TRMT1: variants seen among roughly 807,000 people sequenced by gnomAD.
The protein encoded by TRMT1 is tRNA (guanine(26)-N(2))-dimethyltransferase.
Under a neutral mutation model 75.4 loss-of-function variants are expected in TRMT1, and 63 were observed. The observed-to-expected ratio is 0.84, with a 90% CI of 0.68 to 1.03. TRMT1 has a LOEUF of 1.03. Ranked by LOEUF, TRMT1 falls within the 50% of genes least tolerant of loss-of-function variation. The probability of loss-of-function intolerance (pLI) is 0.00; values close to 1 mark genes in which losing one functional copy is unlikely to be tolerated. For missense variants in TRMT1, 870 were observed against 905.3 expected, an observed-to-expected ratio of 0.96 and a Z score of 0.50; for synonymous variants, 382 against 358.1, an observed-to-expected ratio of 1.07 and a Z score of -0.75.
chr19:13,113,326 G>A (rs1163548650), intron 5 of TRMT1, among the ~76,000 whole-genome samples: 1 of 151,956 alleles, frequency 6.6e-6, no homozygotes, highest in Non-Finnish European at 1.5e-5. Context: ...ACCACGCCCA[G>A]CTAATTTTTG....
At position 13,105,589 on chromosome 19, in the gene TRMT1, G is replaced by A. The variant is rs2018829892; in HGVS notation, c.1601C>T (p.Thr534Ile). The change falls in exon 15 of 17, where the codon ACC becomes ATC. Residue 534 changes from threonine (T) to isoleucine (I), a missense_variant. By Grantham distance (89) the Thr-to-Ile change is moderately conservative. Transcript: ENST00000357720. ...SVEPRLQANF[T>I]IREDANPSSR... ...GCTGGGGTTGGCATCTTCCCGGATGGTGAAGTTGGCCTGCAGCCTAGGGAA... is the reference window on the plus strand; with the variant it reads ...GCTGGGGTTGGCATCTTCCCGGATGATGAAGTTGGCCTGCAGCCTAGGGAA... 1 of 1,613,604 alleles carries A rather than the reference G, an allele frequency of 6.2e-7. No individual in the cohort carries two copies. The highest frequency in any genetic ancestry group is 1.7e-5 in the Admixed American group (1 of 59,986).
At position 13,109,687 on chromosome 19, in the gene TRMT1, G is replaced by C. The variant is rs572800187; in HGVS notation, c.1177-3C>G. ...TCTGCCCACATGGGGCCACCAAGCT[G>C]GGGGCGCACCGGGGACAGGTGAGCA... On this transcript the variant is annotated splice_polypyrimidine_tract_variant and splice_region_variant and intron_variant, in intron 10 of 16. Coordinates refer to ENST00000357720, the MANE Select transcript of TRMT1 (RefSeq NM_001136035.4). The C allele has an allele frequency of 1.2e-6, 2 of 1,613,886 alleles. No homozygotes were observed. The highest frequency in any genetic ancestry group is 1.7e-5 in the Admixed American group (1 of 60,006).
Position 13,105,836 on chromosome 19 carries a change from T to A in TRMT1, c.1584-230A>T, listed in dbSNP as rs916505103. Among the ~76,000 whole-genome samples, 8 of 151,926 alleles carry A rather than the reference T, an allele frequency of 5.3e-5. No homozygotes were observed. The South Asian group carries it at 1.7e-3, about 32-fold the overall frequency. On this transcript the variant is annotated intron_variant, in intron 14 of 16. Transcript: ENST00000357720. ...CAGCATTTTGGGAGGCTGAGGCGGG[T>A]GGATCACCTGAGGTCAGGAGTTCGA...
rs867329910 is a variant in TRMT1, at chr19:13,108,687, G to A, written c.1397+694C>T. On this transcript the variant is annotated intron_variant, in intron 12 of 16. Transcript: ENST00000357720. The stretch of plus-strand genomic sequence containing the variant: ...AGTGGCGCAATCTTGGCTCACCACC[G>A]CCTCCTCCTCCTCCCAGGTTCCAGT... Among the ~76,000 whole-genome samples, 123 of 151,680 alleles carry A rather than the reference G, an allele frequency of 8.1e-4. 1 individual carries two copies. Among genetic ancestry groups the A allele is most frequent in the Non-Finnish European group, 2.4e-4 (16 of 67,920 alleles).
Position 13,105,044 on chromosome 19 carries a change from T to G in TRMT1, c.1871A>C (p.His624Pro), listed in dbSNP as rs1476564766. ...CQRGDQCCYSHSPPTPRVSAD... is the reference protein window; with the variant it reads ...CQRGDQCCYSPSPPTPRVSAD... Reference sequence around the variant, plus strand: ...AGAAACCCTGGGTGTCGGGGGGCTGTGGGAGTAGCAGCACTGGTCCCCGCG... The same window carrying G: ...AGAAACCCTGGGTGTCGGGGGGCTGGGGGAGTAGCAGCACTGGTCCCCGCG... The change falls in exon 17 of 17, where the codon CAC becomes CCC. Residue 624 changes from histidine to proline, a missense_variant. His to Pro is a moderately conservative substitution (Grantham distance 77, BLOSUM62 -2). Transcript: ENST00000357720. 6.2e-7 allele frequency: 1 copy of G among 1,607,618 alleles called. No homozygotes were observed. Among genetic ancestry groups the G allele is most frequent in the Non-Finnish European group, 8.5e-7 (1 of 1,176,538 alleles).
chr19:13,105,209 T>A (rs2018798685), intron 16 of TRMT1, 58 bp downstream of exon 16: 1 of 1,572,518 alleles, frequency 6.4e-7, no homozygotes, highest in African/African-American at 1.4e-5. Flanking sequence ...TCTCTCCCTG[T>A]TGCCCAAAGG....
chr19:13,108,592 C>A (rs2018985460), intron 12 of TRMT1, among the ~76,000 whole-genome samples: 1 of 151,180 alleles, frequency 6.6e-6, no homozygotes, highest in Non-Finnish European at 1.5e-5. Context: ...CACACCTGGC[C>A]TTTTTCTTTT....
In TRMT1 at chr19:13,105,538, A is replaced by T; in HGVS notation, c.1652T>A (p.Phe551Tyr). The change falls in exon 15 of 17, where the codon TTC becomes TAC. Residue 551 changes from phenylalanine (F) to tyrosine (Y), a missense_variant. Physicochemically the swap from Phe to Tyr is conservative, Grantham distance 22 (BLOSUM62 3). Transcript: ENST00000357720. ...PSSRQRGLKR[F>Y]QANPEANWGP... ...CCAGTTGGCCTCCGGGTTAGCCTGGAAGCGCTTGAGTCCTCGCTGTCGGGA... is the reference window on the plus strand; with the variant it reads ...CCAGTTGGCCTCCGGGTTAGCCTGGTAGCGCTTGAGTCCTCGCTGTCGGGA... 6.2e-7 allele frequency: 1 copy of T among 1,613,976 alleles called. No individual in the cohort carries two copies.
Position 13,109,828 on chromosome 19 carries a change from A to G in TRMT1, c.1117T>C (p.Ser373Pro). 1 of 1,614,138 alleles carries G rather than the reference A, an allele frequency of 6.2e-7. No individual in the cohort carries two copies. Among genetic ancestry groups the G allele is most frequent in the Non-Finnish European group, 8.5e-7 (1 of 1,180,030 alleles). Residue 373 changes from serine (S) to proline (P), a missense_variant, in exon 10 of 17, where the codon TCT (serine) becomes CCT (proline). Coordinates refer to ENST00000357720, the MANE Select transcript of TRMT1 (RefSeq NM_001136035.4). Reference protein sequence around the residue: ...SGVPSGRAKFSAACGPPVTPE... With the variant: ...SGVPSGRAKFPAACGPPVTPE... ...GTCACAGGGGGACCACAGGCTGCAG[A>G]GAACTTGGCCCTAAACAGAGAGGGG...
At chr19:13,107,450 A>G (rs752185136) in intron 14 of TRMT1, 124 bp downstream of exon 14, 6 of 1,222,008 alleles carry the variant, frequency 4.9e-6, no homozygotes, top group Non-Finnish European at 5.8e-6. Flanking sequence ...CAGTCAGCAG[A>G]TTTTGAATCT....
chr19:13,105,640 G>C, intron 14 of TRMT1, 34 bp from the exon 15 acceptor site: 1 of 1,587,892 alleles, frequency 6.3e-7, no homozygotes, highest in Non-Finnish European at 8.6e-7. Flanking sequence ...TGGGGCTGGG[G>C]GAAGCTGCCA....
At chr19:13,111,295 G>A (rs780832644) in intron 7 of TRMT1, among the ~76,000 whole-genome samples, 7 of 151,626 alleles carry the variant, frequency 4.6e-5, no homozygotes, top group Admixed American at 2.0e-4. Context: ...CTTGGCCTCC[G>A]AAAGTGCTAG....
Position 13,115,352 on chromosome 19 carries a change from C to T in TRMT1, c.568G>A (p.Val190Met), listed in dbSNP as rs966091117. The T allele has an allele frequency of 6.2e-7, 1 of 1,614,100 alleles. No individual in the cohort carries two copies. Among genetic ancestry groups the T allele is most frequent in the Non-Finnish European group, 8.5e-7 (1 of 1,180,034 alleles). The change falls in exon 5 of 17, where the codon GTG becomes ATG. Residue 190 changes from valine (V) to methionine (M), a missense_variant. By Grantham distance (21) the Val-to-Met change is conservative. Transcript: ENST00000357720. ...VVANDASTRA[V>M]DLIRRNVQLN... is the part of the protein sequence containing the mutation. ...TGGACATTCCGGCGTATGAGATCCACAGCCCGGGTGGAGGCATCGTTTGCA... is the reference window on the plus strand; with the variant it reads ...TGGACATTCCGGCGTATGAGATCCATAGCCCGGGTGGAGGCATCGTTTGCA...
chr19:13,110,041 C>G, intron 8 of TRMT1, 40 bp from the exon 9 acceptor site: 1 of 1,612,364 alleles, frequency 6.2e-7, no homozygotes, highest in Non-Finnish European at 8.5e-7. Flanking sequence ...CCAGCGTGAC[C>G]ACGACACCCC....
intron 14 of TRMT1, among the ~76,000 whole-genome samples, chr19:13,106,642 ATTT>A (rs35374756): frequency 7.6e-6 from 1 of 131,862 alleles, no homozygotes; most frequent in African/African-American, 2.8e-5. Flanking sequence ...CACCTGGCTA[ATTT>A]TTTTTTTTTT....
intron 14 of TRMT1, among the ~76,000 whole-genome samples, chr19:13,106,489 T>G (rs1265414180): frequency 6.6e-6 from 1 of 150,654 alleles, no homozygotes; most frequent in Non-Finnish European, 1.5e-5. Context: ...TAATTTTCTT[T>G]TCTTTTGGGA....
At chr19:13,105,434 C>T (rs748937863) in intron 15 of TRMT1, 38 bp from the exon 16 acceptor site, 2 of 1,613,852 alleles carry the variant, frequency 1.2e-6, no homozygotes, top group Non-Finnish European at 1.7e-6. Flanking sequence ...CCCATCTGCC[C>T]TTTACCCCTT....
rs755692742 is a variant in TRMT1 at position 13,109,775 on chromosome 19, T to C, written c.1170A>G (p.Arg390=). 2.5e-6 allele frequency: 4 copies of C among 1,613,932 alleles called. No homozygotes were observed. In the East Asian group the frequency reaches 8.9e-5, roughly 36 times the overall value. The part of the protein sequence containing the change: ...VTPECEHCGQ[R]HQLGGPMWAE... Reference sequence around the variant, plus strand: ...TCCCCTGGCCTAGCCCTACCTGGTGTCGTTGCCCACAGTGTTCACACTCGG... The same window carrying C: ...TCCCCTGGCCTAGCCCTACCTGGTGCCGTTGCCCACAGTGTTCACACTCGG... Residue 390 remains arginine (R), a synonymous_variant, in exon 10 of 17, where the codon CGA becomes CGG. Coordinates refer to ENST00000357720, the MANE Select transcript of TRMT1 (RefSeq NM_001136035.4).
Position 13,109,851 on chromosome 19 carries a change from G to A in TRMT1, c.1107-13C>T, listed in dbSNP as rs373453193. 6.9e-5 allele frequency: 111 copies of A among 1,613,994 alleles called. No individual in the cohort carries two copies. The highest frequency in any genetic ancestry group is 9.2e-5 in the Non-Finnish European group (108 of 1,180,028). On this transcript the variant is annotated splice_polypyrimidine_tract_variant and intron_variant, in intron 9 of 16. Coordinates refer to ENST00000357720, the MANE Select transcript of TRMT1 (RefSeq NM_001136035.4). ...AGAGAACTTGGCCCTAAACAGAGAG[G>A]GGTGGTTGGTGGGGAGGGAGGAAAA...
Sources: gnomAD v4.1 joint callset for allele counts (sites outside exome capture counted in the v4.1 genomes callset) on GRCh38, gnomAD v4.1.1 for gene constraint, MANE v1.5 for transcripts, NCBI Gene and HGNC (gene_info 2026-07-23, HGNC 2026-07-21) for gene names.